Variants in PDE9A observed in about 807,000 individuals in gnomAD.
PDE9A encodes high affinity cGMP-specific 3',5'-cyclic phosphodiesterase 9A.
Under a neutral mutation model 87.4 loss-of-function variants are expected in PDE9A, and 60 were observed. That is an observed-to-expected ratio of 0.69 (90% confidence interval 0.56 to 0.85). PDE9A has a LOEUF of 0.85. Among genes scored for constraint, PDE9A ranks in the 40% least tolerant of loss-of-function variants. The pLI, the probability that PDE9A is intolerant of heterozygous loss-of-function variation, is 0.00. For synonymous variants in PDE9A, 272 were observed against 279.4 expected, an observed-to-expected ratio of 0.97 and a Z score of 0.27; for missense variants, 665 against 779.0, an observed-to-expected ratio of 0.85 and a Z score of 1.74.
At chr21:42,727,487 C>CTTTTT (rs778143956) in intron 4 of PDE9A, among the ~76,000 whole-genome samples, 3 of 71,986 alleles carry the variant, frequency 4.2e-5, no homozygotes, top group Admixed American at 1.3e-4. Flanking sequence ...CCACGCCTGG[C>CTTTTT]TATTTTTTTT....
At chr21:42,655,304 G>A (rs1220196958) in intron 1 of PDE9A, among the ~76,000 whole-genome samples, 1 of 152,198 alleles carries the variant, frequency 6.6e-6, no homozygotes, top group Non-Finnish European at 1.5e-5. Context: ...AAAGTGAGTT[G>A]TCACCAGATC....
At position 42,699,173 on chromosome 21, in the gene PDE9A, A is replaced by G. The variant is rs983861904; in HGVS notation, c.262+162A>G. ...AACTATATGTTAGTTAAGCATTTGA[A>G]TCTGCATTTGAAGCCGATACAACTG... On this transcript the variant is annotated intron_variant, in intron 4 of 19. Transcript: ENST00000291539. The G allele has an allele frequency of 1.1e-4, 65 of 584,504 alleles. 2 individuals are homozygous for G. Among genetic ancestry groups the G allele is most frequent in the Non-Finnish European group, 1.8e-4 (60 of 327,306 alleles). 36.2% of individuals were successfully genotyped at this position (584,504 alleles called of 1,614,324 possible). A position where few individuals can be genotyped will look rare whatever the true frequency, so the allele number is the denominator to read the frequency against.
rs989361426 is a variant in PDE9A at position 42,695,927 on chromosome 21, T to C, written c.219-3041T>C. Among the ~76,000 whole-genome samples the C allele has an allele frequency of 2.0e-5, 3 of 152,196 alleles. No individual in the cohort carries two copies. The highest frequency in any genetic ancestry group is 4.4e-5 in the Non-Finnish European group (3 of 68,022). The stretch of plus-strand genomic sequence containing the variant: ...AAGCATCTGGGAGCCAAGACTGATC[T>C]TGAGTGGCCCAGAAATGCAACCCAA... On this transcript the variant is annotated intron_variant, in intron 3 of 19. Transcript: ENST00000291539. The surrounding 1 kb of genome is among the most constrained non-coding windows in gnomAD (Gnocchi z 4.3).
intron 4 of PDE9A, among the ~76,000 whole-genome samples, chr21:42,715,069 C>T (rs1178649834): frequency 6.6e-6 from 1 of 151,608 alleles, no homozygotes; most frequent in Non-Finnish European, 1.5e-5. Flanking sequence ...TTTCTGCCTT[C>T]TCCTGTGTTA....
At position 42,722,689 on chromosome 21, in the gene PDE9A, G is replaced by A. The variant is rs745947169; in HGVS notation, c.263-9081G>A. ...TACACATTCCCATCAGCTCAGGTGC[G>A]TGGAGGACGGAAGAACTGCTGTTGC... is the stretch of plus-strand genomic sequence containing the variant. On this transcript the variant is annotated intron_variant, in intron 4 of 19. Transcript: ENST00000291539. This position sits in a 1 kb window ranked among gnomAD's most constrained non-coding sequence, Gnocchi z 4.1. Among the ~76,000 whole-genome samples the A allele has an allele frequency of 2.0e-5, 3 of 152,214 alleles. No homozygotes were observed. The highest frequency in any genetic ancestry group is 6.5e-5 in the Admixed American group (1 of 15,282).
At position 42,704,552 on chromosome 21, in the gene PDE9A, C is replaced by A. The variant is rs2048663215; in HGVS notation, c.262+5541C>A. Among the ~76,000 whole-genome samples, 1 of 152,014 alleles carries A rather than the reference C, an allele frequency of 6.6e-6. No individual in the cohort carries two copies. Among genetic ancestry groups the A allele is most frequent in the African/African-American group, 2.4e-5 (1 of 41,366 alleles). On this transcript the variant is annotated intron_variant, in intron 4 of 19. Transcript: ENST00000291539. The surrounding 1 kb of genome is among the most constrained non-coding windows in gnomAD (Gnocchi z 5.3). ...GAATTCTTCACTCTCTCTATGGCAA[C>A]AACCTTCCCTCTCCCGTCCATCGGC...
intron 1 of PDE9A, among the ~76,000 whole-genome samples, chr21:42,658,162 G>T (rs755078625): frequency 3.9e-5 from 6 of 152,140 alleles, no homozygotes; most frequent in Non-Finnish European, 8.8e-5. Context: ...AGGCCTTCTC[G>T]TGATGCTTCC....
rs182609784 is a variant in PDE9A at position 42,660,789 on chromosome 21, C to T, written c.69+6906C>T. ...TGCACTCAGCCACCCAGGGGTGGCT[C>T]CCAACATTTTCAAGCTCAAAAAGAA... On this transcript the variant is annotated intron_variant, in intron 1 of 19. Transcript: ENST00000291539. This position sits in a 1 kb window ranked among gnomAD's most constrained non-coding sequence, Gnocchi z 4.7. Among the ~76,000 whole-genome samples, 32 of 152,162 alleles carry T rather than the reference C, an allele frequency of 2.1e-4. No individual in the cohort carries two copies. Among genetic ancestry groups the T allele is most frequent in the Non-Finnish European group, 3.8e-4 (26 of 67,998 alleles).
At position 42,759,369 on chromosome 21, in the gene PDE9A, C is replaced by T. The variant is rs1371712641; in HGVS notation, c.897+284C>T. On this transcript the variant is annotated intron_variant, in intron 11 of 19. Transcript: ENST00000291539. The surrounding 1 kb of genome is among the most constrained non-coding windows in gnomAD (Gnocchi z 7.2). The stretch of plus-strand genomic sequence containing the variant: ...AGCAAAGCAGCATGTCCTAAAGCAG[C>T]GGTGTGTGGGAGCGTGTGTGTGTGT... 6.8e-6 allele frequency among the ~76,000 whole-genome samples: 1 copy of T among 146,348 alleles called. No individual in the cohort carries two copies. Among genetic ancestry groups the T allele is most frequent in the Non-Finnish European group, 1.5e-5 (1 of 66,632 alleles).
At chr21:42,762,385 C>A in intron 14 of PDE9A, 146 bp downstream of exon 14, 1 of 789,872 alleles carries the variant, frequency 1.3e-6, no homozygotes, top group Non-Finnish European at 2.0e-6. Context: ...TCCTTCCTCA[C>A]CTCCTCCAGG....
intron 1 of PDE9A, among the ~76,000 whole-genome samples, chr21:42,663,622 G>A (rs566137069): frequency 7.2e-5 from 11 of 152,310 alleles, no homozygotes; most frequent in East Asian, 1.9e-4. Context: ...CCCACCCTGC[G>A]GTCATGCAGC....
At chr21:42,761,612 G>A (rs142034397) in intron 13 of PDE9A, among the ~76,000 whole-genome samples, 5 of 152,296 alleles carry the variant, frequency 3.3e-5, no homozygotes, top group East Asian at 1.9e-4. Flanking sequence ...AGTGGGTTCC[G>A]AGGTGTGGCT....
In PDE9A at chr21:42,704,278, C is replaced by A. The variant is rs560127443; in HGVS notation, c.262+5267C>A. 1.9e-3 allele frequency among the ~76,000 whole-genome samples: 286 copies of A among 152,276 alleles called. No homozygotes were observed. The highest frequency in any genetic ancestry group is 3.1e-3 in the South Asian group (15 of 4,828). ...GCTGCATTTTCCTAGCAGCGACAAC[C>A]CCTCCCACATCTCCATAGTCACATC... On this transcript the variant is annotated intron_variant, in intron 4 of 19. Transcript: ENST00000291539. The surrounding 1 kb of genome is among the most constrained non-coding windows in gnomAD (Gnocchi z 5.3).
Position 42,759,744 on chromosome 21 carries a change from CTG to C in PDE9A, c.898-581_898-580del, listed in dbSNP as rs916407989. Among the ~76,000 whole-genome samples the C allele has an allele frequency of 1.8e-4, 26 of 141,878 alleles. No homozygotes were observed. Among genetic ancestry groups the C allele is most frequent in the African/African-American group, 3.7e-4 (14 of 37,558 alleles). 93.1% of individuals were successfully genotyped at this position (141,878 alleles called of 152,430 possible). On this transcript the variant is annotated intron_variant, in intron 11 of 19. Coordinates refer to ENST00000291539, the MANE Select transcript of PDE9A (RefSeq NM_002606.3). This position sits in a 1 kb window ranked among gnomAD's most constrained non-coding sequence, Gnocchi z 7.2. ...TGAGGGTGTGTGTGCATGTGTGTAT[CTG>C]TGGATGTGAGGTGTGTGTGCATGTG...
intron 1 of PDE9A, among the ~76,000 whole-genome samples, chr21:42,676,328 A>G (rs1212737832): frequency 1.3e-5 from 2 of 152,002 alleles, no homozygotes; most frequent in Non-Finnish European, 2.9e-5. Flanking sequence ...AGACTCTTAC[A>G]TCCACAACCA....
In PDE9A at chr21:42,759,134, C is replaced by A. The variant is rs772292003; in HGVS notation, c.897+49C>A. ...TTCTTCCTGGGCACGTGGTTTCATC[C>A]AGTTCCACAGGAATGGAGGGAATGG... On this transcript the variant is annotated intron_variant, in intron 11 of 19. Transcript: ENST00000291539. This position sits in a 1 kb window ranked among gnomAD's most constrained non-coding sequence, Gnocchi z 7.2. 5.9e-6 allele frequency: 8 copies of A among 1,357,712 alleles called. 1 individual carries two copies. The South Asian group carries it at 7.1e-5, about 12-fold the overall frequency. The allele number at this position is 1,357,712 out of a possible 1,614,324, so 84.1% of individuals were successfully genotyped here. A position where few individuals can be genotyped will look rare whatever the true frequency, so the allele number is the denominator to read the frequency against.
intron 9 of PDE9A, among the ~76,000 whole-genome samples, chr21:42,751,807 C>T (rs2054465240): frequency 7.4e-6 from 1 of 135,770 alleles, no homozygotes; most frequent in African/African-American, 2.8e-5. Flanking sequence ...AGTGCAATGG[C>T]ACAATCTTGG....
At chr21:42,772,644 T>C in intron 19 of PDE9A, 124 bp downstream of exon 19, 1 of 683,836 alleles carries the variant, frequency 1.5e-6, no homozygotes, top group Non-Finnish European at 2.5e-6. Flanking sequence ...GAACTTTTTT[T>C]TTTTTTGAAA....
chr21:42,766,574 C>G (rs527566705), intron 15 of PDE9A, among the ~76,000 whole-genome samples: 2 of 152,330 alleles, frequency 1.3e-5, no homozygotes, highest in East Asian at 3.9e-4. Context: ...ACTCATCGCT[C>G]TCTGGAGCTG....
Sources: allele counts gnomAD v4.1 joint callset (sites outside exome capture counted in the v4.1 genomes callset), GRCh38; gene constraint gnomAD v4.1.1; non-coding constraint Gnocchi (gnomAD v3.1); transcripts MANE v1.5; gene names NCBI Gene and HGNC (gene_info 2026-07-23, HGNC 2026-07-21).